The following PROP1 variants were observed in gnomAD, a reference collection of about 807,000 sequenced individuals.
PROP1 encodes the protein PROP paired-like homeobox 1.
A neutral mutation model predicts 22.3 loss-of-function variants in PROP1; 12 were observed. That is an observed-to-expected ratio of 0.54 (90% CI 0.34 to 0.87). The LOEUF is 0.87. Among genes scored for constraint, PROP1 ranks in the 40% least tolerant of loss-of-function variants. The pLI is 0.01. For synonymous variants in PROP1, 112 were observed against 116.7 expected, an observed-to-expected ratio of 0.96 and a Z score of 0.26; for missense variants, 278 against 295.1, an observed-to-expected ratio of 0.94 and a Z score of 0.43.
At chr5:177,993,206 C>T (rs1772697365) in intron 2 of PROP1, among the ~76,000 whole-genome samples, 159 bp from the exon 3 acceptor site, 1 of 152,154 alleles carries the variant, frequency 6.6e-6, no homozygotes, top group South Asian at 2.1e-4. Context: ...GGTCTGCTGA[C>T]AAAGGAACCC....
Position 177,996,104 on chromosome 5 carries a change from T to G in PROP1, c.-171A>C. 1.5e-6 allele frequency: 1 copy of G among 648,188 alleles called. No individual in the cohort carries two copies. Among genetic ancestry groups the G allele is most frequent in the East Asian group, 2.7e-5 (1 of 36,646 alleles). 40.2% of individuals were successfully genotyped at this position (648,188 alleles called of 1,614,324 possible). On this transcript the variant is annotated 5_prime_UTR_variant, in exon 1 of 3. Coordinates refer to ENST00000308304, the MANE Select transcript of PROP1 (RefSeq NM_006261.5). ...AGGCAGCTGTCTCTGACTTTTTCAC[T>G]GTCTTTACTTTTTTTCTAATTGTTT...
At chr5:177,993,411 A>G (rs73346242) in intron 2 of PROP1, among the ~76,000 whole-genome samples, 3,241 of 152,274 alleles carry the variant, frequency 0.021, 115 homozygotes, top group African/African-American at 0.072. Context: ...GACAAGCTTG[A>G]ATTTAGGGTA....
chr5:177,993,192 G>T, intron 2 of PROP1, 145 bp from the exon 3 acceptor site: 1 of 768,884 alleles, frequency 1.3e-6, no homozygotes, highest in Non-Finnish European at 2.2e-6. Flanking sequence ...GCTTGGCTGA[G>T]CCTGGTCTGC....
chr5:177,995,281 A>G (rs1452898921), intron 1 of PROP1, among the ~76,000 whole-genome samples: 1 of 152,134 alleles, frequency 6.6e-6, no homozygotes, highest in Non-Finnish European at 1.5e-5. Context: ...TCCTCCCCAC[A>G]GGCTCCCTAA....
At chr5:177,995,151 G>A (rs1002080273) in intron 1 of PROP1, among the ~76,000 whole-genome samples, 1 of 151,976 alleles carries the variant, frequency 6.6e-6, no homozygotes, top group African/African-American at 2.4e-5. Context: ...CTGGGAAGAT[G>A]GGCACCCCCC....
At chr5:177,993,584 A>T (rs1772703102) in intron 2 of PROP1, among the ~76,000 whole-genome samples, 1 of 149,072 alleles carries the variant, frequency 6.7e-6, no homozygotes, top group South Asian at 2.1e-4. Flanking sequence ...TTTTTGAGAC[A>T]AAGTTTTGTT....
In PROP1 at chr5:177,994,245, G is replaced by A; in HGVS notation, c.203C>T (p.Ser68Phe). Residue 68 changes from serine to phenylalanine, a missense_variant, in exon 2 of 3, where the codon TCC (serine) becomes TTC (phenylalanine). Transcript: ENST00000308304. ...PQGGQRGRPHSRRRHRTTFSP... is the reference protein window; with the variant it reads ...PQGGQRGRPHFRRRHRTTFSP... ...GAAGGTGGTGCGGTGGCGGCGCCGG[G>A]AGTGCGGGCGGCCCCTCTGTCCTCC... The A allele has an allele frequency of 6.2e-7, 1 of 1,613,970 alleles. No homozygotes were observed. Among genetic ancestry groups the A allele is most frequent in the Non-Finnish European group, 8.5e-7 (1 of 1,179,936 alleles).
chr5:177,993,186 G>A, intron 2 of PROP1, 139 bp from the exon 3 acceptor site: 1 of 784,766 alleles, frequency 1.3e-6, no homozygotes, highest in Non-Finnish European at 2.2e-6. Context: ...CACAAGGCTT[G>A]GCTGAGCCTG....
chr5:177,993,265 G>A lies in PROP1; in HGVS notation c.343-218C>T, dbSNP rs375043120. On this transcript the variant is annotated intron_variant, in intron 2 of 2. Transcript: ENST00000308304. The stretch of plus-strand genomic sequence containing the variant: ...CCACATGTGCCCTTTTCTAACACTC[G>A]GGGCAAGTAAGAAGTGTCAGCTTCC... Among the ~76,000 whole-genome samples the A allele has an allele frequency of 8.5e-5, 13 of 152,252 alleles. No homozygotes were observed. The East Asian group carries it at 1.9e-3, about 23-fold the overall frequency.
intron 1 of PROP1, among the ~76,000 whole-genome samples, chr5:177,995,232 C>G (rs148024334): frequency 6.6e-6 from 1 of 152,290 alleles, no homozygotes; most frequent in African/African-American, 2.4e-5. Flanking sequence ...GCCCAGCCAC[C>G]AGGCTGCAGG....
Position 177,992,799 on chromosome 5 carries a change from G to T in PROP1, c.591C>A (p.Thr197=), listed in dbSNP as rs749659280. The T allele has an allele frequency of 1.7e-5, 27 of 1,606,352 alleles. No homozygotes were observed. The highest frequency in any genetic ancestry group is 2.3e-5 in the Non-Finnish European group (27 of 1,176,558). The change falls in exon 3 of 3, where the codon ACC becomes ACA. Residue 197 remains threonine, a synonymous_variant. Transcript: ENST00000308304. The part of the protein sequence containing the change: ...LSHQSEDWYP[T]LHPAPAGHLP... ...GATGGCCGGCAGGGGCTGGGTGCAA[G>T]GTAGGGTACCAGTCCTCAGACTGGT...
chr5:177,993,565 A>ATTT (rs11371214), intron 2 of PROP1, among the ~76,000 whole-genome samples: 275 of 147,440 alleles, frequency 1.9e-3, no homozygotes, highest in African/African-American at 4.0e-3. Flanking sequence ...TGGCATCACT[A>ATTT]TTTTTTTTTT....
At position 177,993,003 on chromosome 5, in the gene PROP1, G is replaced by T; in HGVS notation, c.387C>A (p.Arg129=). Residue 129 remains arginine, a synonymous_variant, in exon 3 of 3, where the codon CGC becomes CGA. Coordinates refer to ENST00000308304, the MANE Select transcript of PROP1 (RefSeq NM_006261.5). The part of the protein sequence containing the change: ...NRRAKQRKQE[R]SLLQPLAHLS... ...GATGGGCCAGAGGCTGAAGCAGTGA[G>T]CGCTCTTGCTTCCGTTGCTTAGCTC... 1 of 1,614,010 alleles carries T rather than the reference G, an allele frequency of 6.2e-7. No individual in the cohort carries two copies. The highest frequency in any genetic ancestry group is 8.5e-7 in the Non-Finnish European group (1 of 1,180,002).
At position 177,993,008 on chromosome 5, in the gene PROP1, C is replaced by T. The variant is rs1772693852; in HGVS notation, c.382G>A (p.Glu128Lys). 1.2e-6 allele frequency: 2 copies of T among 1,613,860 alleles called. No homozygotes were observed. Among genetic ancestry groups the T allele is most frequent in the Middle Eastern group, 1.6e-4 (1 of 6,076 alleles). Residue 128 changes from glutamate (E) to lysine (K), a missense_variant, in exon 3 of 3, where the codon GAG (glutamate) becomes AAG (lysine). Glu to Lys is a moderately conservative substitution (Grantham distance 56). Coordinates refer to ENST00000308304, the MANE Select transcript of PROP1 (RefSeq NM_006261.5). ...QNRRAKQRKQ[E>K]RSLLQPLAHL... ...GCCAGAGGCTGAAGCAGTGAGCGCT[C>T]TTGCTTCCGTTGCTTAGCTCTGCGG... is the stretch of plus-strand genomic sequence containing the variant.
rs7443714 is a variant in PROP1, at chr5:177,995,602, A to G, written c.109+223T>C. On this transcript the variant is annotated intron_variant, in intron 1 of 2. Coordinates refer to ENST00000308304, the MANE Select transcript of PROP1 (RefSeq NM_006261.5). ...GGTAACTGTCTCACATCCCCACTGC[A>G]ATGTGAGCTGTTCAGCCGCCCCCTC... 0.99 allele frequency among the ~76,000 whole-genome samples: 150,066 copies of G among 152,252 alleles called. 74,012 individuals carry two copies. Among genetic ancestry groups the G allele is most frequent in the Middle Eastern group, 1 (294 of 294 alleles).
At position 177,992,840 on chromosome 5, in the gene PROP1, C is replaced by T. The variant is rs746409513; in HGVS notation, c.550G>A (p.Ala184Thr). 57 of 1,610,994 alleles carry T rather than the reference C, an allele frequency of 3.5e-5. No homozygotes were observed. The highest frequency in any genetic ancestry group is 2.3e-4 in the Admixed American group (14 of 59,856). The change falls in exon 3 of 3, where the codon GCC becomes ACC. Residue 184 changes from alanine (A) to threonine (T), a missense_variant. Coordinates refer to ENST00000308304, the MANE Select transcript of PROP1 (RefSeq NM_006261.5). ...ALPSQPSTGG[A>T]FALSHQSEDW... ...TCAGACTGGTGTGACAAAGCAAAGG[C>T]GCCTCCTGTGGAGGGCTGGGAAGGG... is the stretch of plus-strand genomic sequence containing the variant.
Position 177,992,535 on chromosome 5 carries a change from A to G in PROP1, c.*174T>C, listed in dbSNP as rs1199935188. 2 of 601,876 alleles carry G rather than the reference A, an allele frequency of 3.3e-6. No individual in the cohort carries two copies. The highest frequency in any genetic ancestry group is 5.8e-6 in the Non-Finnish European group (2 of 342,806). 37.3% of individuals were successfully genotyped at this position (601,876 alleles called of 1,614,324 possible). ...TAGCTCACCTCCCCAGACTTCCTCCACTAATCACCCCAGTGAGAATTCACC... is the reference window on the plus strand; with the variant it reads ...TAGCTCACCTCCCCAGACTTCCTCCGCTAATCACCCCAGTGAGAATTCACC... On this transcript the variant is annotated 3_prime_UTR_variant, in exon 3 of 3. Transcript: ENST00000308304.
At position 177,992,411 on chromosome 5, in the gene PROP1, C is replaced by G. The variant is rs1582662576; in HGVS notation, c.*298G>C. ...TCTCAATTAATGAAGGCCCTCACCT[C>G]CTAGCCCTTCAATCATCTCCACTCA... On this transcript the variant is annotated 3_prime_UTR_variant, in exon 3 of 3. Coordinates refer to ENST00000308304, the MANE Select transcript of PROP1 (RefSeq NM_006261.5). 2 of 442,370 alleles carry G rather than the reference C, an allele frequency of 4.5e-6. No individual in the cohort carries two copies. The highest frequency in any genetic ancestry group is 7.2e-5 in the East Asian group (2 of 27,742). 27.4% of individuals were successfully genotyped at this position (442,370 alleles called of 1,614,324 possible).
intron 2 of PROP1, among the ~76,000 whole-genome samples, chr5:177,993,272 G>A: frequency 6.6e-6 from 1 of 152,238 alleles, no homozygotes; most frequent in East Asian, 1.9e-4. Flanking sequence ...CTCGGGGCAA[G>A]TAAGAAGTGT....
Sources: gnomAD v4.1 joint callset for allele counts (sites outside exome capture counted in the v4.1 genomes callset) on GRCh38, gnomAD v4.1.1 for gene constraint, MANE v1.5 for transcripts, NCBI Gene and HGNC (gene_info 2026-07-23, HGNC 2026-07-21) for gene names.